OPCML: variants seen among roughly 807,000 people sequenced by gnomAD.
OPCML encodes opioid binding protein/cell adhesion molecule like.
Under a neutral mutation model 37.8 loss-of-function variants are expected in OPCML, and 13 were observed. The observed-to-expected ratio is 0.34, with a 90% CI of 0.22 to 0.55. The LOEUF is 0.55. Among genes scored for constraint, OPCML ranks in the 20% least tolerant of loss-of-function variants. The probability of loss-of-function intolerance (pLI) is 0.91; values close to 1 mark genes in which losing one functional copy is unlikely to be tolerated. For synonymous variants in OPCML, 176 were observed against 168.8 expected (o/e 1.04, Z -0.33); for missense variants, 341 against 435.6 (o/e 0.78, Z 1.93).
chr11:132,470,574 G>C (rs1316379093), intron 4 of OPCML, among the ~76,000 whole-genome samples: 1 of 152,204 alleles, frequency 6.6e-6, no homozygotes, highest in Non-Finnish European at 1.5e-5. Flanking sequence ...GAATGTGTTT[G>C]AAGTTTGAGG....
At chr11:132,494,913 A>G (rs2096226536) in intron 4 of OPCML, among the ~76,000 whole-genome samples, 1 of 152,220 alleles carries the variant, frequency 6.6e-6, no homozygotes. Context: ...AATTGTCTTA[A>G]GACTCAATTT....
chr11:133,038,179 G>A (rs554100704), intron 1 of OPCML, among the ~76,000 whole-genome samples: 1 of 152,318 alleles, frequency 6.6e-6, no homozygotes, highest in East Asian at 1.9e-4. Flanking sequence ...GCAGACTTAG[G>A]AGCCCTGGGC....
chr11:132,469,832 T>TG (rs139780717), intron 4 of OPCML, among the ~76,000 whole-genome samples: 35,734 of 101,518 alleles, frequency 0.35, 7,925 homozygotes, highest in East Asian at 0.83. Context: ...TGTATGTGTG[T>TG]GGGGGGCTGT....
At position 132,807,909 on chromosome 11, in the gene OPCML, G is replaced by T. The variant is rs1565878489; in HGVS notation, c.146+135017C>A. On this transcript the variant is annotated intron_variant, in intron 2 of 7. Coordinates refer to ENST00000524381, the MANE Select transcript of OPCML (RefSeq NM_001012393.5). ...AAATTCTTCCCAACTTATTTGTAAGGCCATCAAAATTCTGATTTGTAATCT... is the reference window on the plus strand; with the variant it reads ...AAATTCTTCCCAACTTATTTGTAAGTCCATCAAAATTCTGATTTGTAATCT... Among the ~76,000 whole-genome samples, 5 of 151,212 alleles carry T rather than the reference G, an allele frequency of 3.3e-5. No individual in the cohort carries two copies. The South Asian group carries it at 1.0e-3, about 31-fold the overall frequency.
chr11:132,741,822 T>C (rs922851654), intron 2 of OPCML, among the ~76,000 whole-genome samples: 4 of 151,204 alleles, frequency 2.6e-5, no homozygotes, highest in African/African-American at 9.7e-5. Flanking sequence ...AGCTCCGGAG[T>C]TTGAGACCAG....
intron 2 of OPCML, among the ~76,000 whole-genome samples, chr11:132,896,365 C>A (rs1468504469): frequency 6.6e-6 from 1 of 152,180 alleles, no homozygotes; most frequent in African/African-American, 2.4e-5. Context: ...GTAGACCAGA[C>A]CTTACAATGG....
rs146532313 is a variant in OPCML at position 133,250,450 on chromosome 11, G to A, written c.61+281814C>T. On this transcript the variant is annotated intron_variant, in intron 1 of 7. Coordinates refer to ENST00000524381, the MANE Select transcript of OPCML (RefSeq NM_001012393.5). Reference sequence around the variant, plus strand: ...AAGAAGGAAGGAAGGAAGGAATTAAGGAAGGAAGGAAAGATGGAAGGAAGG... The same window carrying A: ...AAGAAGGAAGGAAGGAAGGAATTAAAGAAGGAAGGAAAGATGGAAGGAAGG... 6.7e-3 allele frequency among the ~76,000 whole-genome samples: 933 copies of A among 139,480 alleles called. 9 individuals carry two copies. Among genetic ancestry groups the A allele is most frequent in the African/African-American group, 0.023 (875 of 37,848 alleles). 91.5% of individuals were successfully genotyped at this position (139,480 alleles called of 152,430 possible).
At chr11:133,162,491 G>A (rs1950156785) in intron 1 of OPCML, among the ~76,000 whole-genome samples, 1 of 152,198 alleles carries the variant, frequency 6.6e-6, no homozygotes, top group Non-Finnish European at 1.5e-5. Context: ...TGGCTGGGGG[G>A]CCGGCCAGGT....
intron 2 of OPCML, among the ~76,000 whole-genome samples, chr11:132,942,003 A>G (rs1411441714): frequency 6.6e-6 from 1 of 152,214 alleles, no homozygotes; most frequent in African/African-American, 2.4e-5. Context: ...CATAACCATC[A>G]AAGTCATAGG....
Position 132,466,094 on chromosome 11 carries a change from A to T in OPCML, c.506-28735T>A, listed in dbSNP as rs140727983. Among the ~76,000 whole-genome samples, 1,505 of 152,304 alleles carry T rather than the reference A, an allele frequency of 9.9e-3. 9 individuals are homozygous for T. The highest frequency in any genetic ancestry group is 0.013 in the Non-Finnish European group (893 of 68,032). The stretch of plus-strand genomic sequence containing the variant: ...GCCAACTCCCCTTCCTACCAGGGCC[A>T]TCCTCCCTTTCAGACTCATGTGGAA... On this transcript the variant is annotated intron_variant, in intron 4 of 7. Transcript: ENST00000524381.
intron 4 of OPCML, among the ~76,000 whole-genome samples, chr11:132,470,407 T>A (rs2136956707): frequency 6.6e-6 from 1 of 152,246 alleles, no homozygotes; most frequent in East Asian, 1.9e-4. Context: ...TGGATAGCCG[T>A]GTCAGTCACT....
chr11:133,004,487 A>G lies in OPCML; in HGVS notation c.62-61477T>C, dbSNP rs1591901764. ...GCTTGGTGGAGGGGACACAGAGGCC[A>G]GTCTGAAGATGCCCTCTGCAGACGA... On this transcript the variant is annotated intron_variant, in intron 1 of 7. Coordinates refer to ENST00000524381, the MANE Select transcript of OPCML (RefSeq NM_001012393.5). The G allele has an allele frequency of 7.1e-6, 7 of 985,452 alleles. No individual in the cohort carries two copies. The African/African-American group carries it at 1.0e-4, about 15-fold the overall frequency. 61.0% of individuals were successfully genotyped at this position (985,452 alleles called of 1,614,324 possible).
intron 2 of OPCML, among the ~76,000 whole-genome samples, chr11:132,889,507 G>T (rs1026947852): frequency 2.8e-4 from 42 of 152,320 alleles, no homozygotes; most frequent in African/African-American, 9.6e-4. Flanking sequence ...CATCTCATTA[G>T]AAAAACATAC....
In OPCML at chr11:132,439,442, C is replaced by T. The variant is rs970241906; in HGVS notation, c.506-2083G>A. 2.0e-5 allele frequency among the ~76,000 whole-genome samples: 3 copies of T among 152,204 alleles called. No homozygotes were observed. In the South Asian group the frequency reaches 6.2e-4, roughly 32 times the overall value. The stretch of plus-strand genomic sequence containing the variant: ...GATGGTGCTACTGGATCAAAAGCCT[C>T]TACCACAGCAGACATAATGATCCAG... On this transcript the variant is annotated intron_variant, in intron 4 of 7. Transcript: ENST00000524381.
At chr11:132,994,672 CAGTTT>C (rs1269499991) in intron 1 of OPCML, among the ~76,000 whole-genome samples, 2 of 152,118 alleles carry the variant, frequency 1.3e-5, no homozygotes, top group Non-Finnish European at 2.9e-5. Context: ...TGTTTCAGTT[CAGTTT>C]AAATTAAATG....
intron 1 of OPCML, among the ~76,000 whole-genome samples, chr11:133,115,263 A>G (rs1346975): frequency 0.56 from 85,067 of 152,032 alleles, 23,992 homozygotes; most frequent in East Asian, 0.8. Context: ...CCTTCAGGTT[A>G]CCAGAGGACT....
At chr11:133,421,446 G>T in intron 1 of OPCML, 1 of 985,350 alleles carries the variant, frequency 1.0e-6, no homozygotes, top group Non-Finnish European at 1.2e-6. Context: ...CTCTTGTTAG[G>T]GCTCAAAGAA....
At chr11:133,025,946 C>G (rs990124234) in intron 1 of OPCML, 1 of 358,008 alleles carries the variant, frequency 2.8e-6, no homozygotes, top group Non-Finnish European at 3.9e-6. Context: ...TGTTGGCCAG[C>G]GTGGTCTCGA....
chr11:133,020,339 C>T (rs1947427179), intron 1 of OPCML, among the ~76,000 whole-genome samples: 1 of 152,202 alleles, frequency 6.6e-6, no homozygotes, highest in African/African-American at 2.4e-5. Flanking sequence ...ATCTGTCTTC[C>T]CTCCCTTTCA....
Sources: allele counts gnomAD v4.1 joint callset (sites outside exome capture counted in the v4.1 genomes callset), GRCh38; gene constraint gnomAD v4.1.1; transcripts MANE v1.5; gene names NCBI Gene and HGNC (gene_info 2026-07-23, HGNC 2026-07-21).